Variants in CACNA1C observed in about 807,000 individuals in gnomAD.
CACNA1C encodes the protein calcium voltage-gated channel subunit alpha1 C.
A neutral mutation model predicts 229.0 loss-of-function variants in CACNA1C; 30 were observed. The ratio of observed to expected loss-of-function variants is 0.13; its 90% CI spans 0.10 to 0.18. The LOEUF (loss-of-function observed/expected upper bound fraction) is 0.18, where lower values mean the gene tolerates loss of function less well. Among genes scored for constraint, CACNA1C ranks in the 10% least tolerant of loss-of-function variants. The pLI, the probability that CACNA1C is intolerant of heterozygous loss-of-function variation, is 1.00. For missense variants in CACNA1C, 1,658 were observed against 2,845.0 expected (o/e 0.58, Z 9.49); for synonymous variants, 1,114 against 1,132.5 (o/e 0.98, Z 0.33).
intron 3 of CACNA1C, among the ~76,000 whole-genome samples, chr12:2,129,913 A>G (rs1286485904): frequency 3.3e-5 from 5 of 152,224 alleles, no homozygotes; most frequent in African/African-American, 9.6e-5. Context: ...GCAAAGTTAG[A>G]GTAAATAGAT....
chr12:2,298,950 T>A (rs2094332927), intron 3 of CACNA1C, among the ~76,000 whole-genome samples: 1 of 152,214 alleles, frequency 6.6e-6, no homozygotes, highest in South Asian at 2.1e-4. Flanking sequence ...TTCATAGGTT[T>A]GAGTATGTGT....
chr12:2,601,988 G>A lies in CACNA1C; in HGVS notation c.2960+28G>A. 1 of 1,440,780 alleles carries A rather than the reference G, an allele frequency of 6.9e-7. No homozygotes were observed. Among genetic ancestry groups the A allele is most frequent in the Non-Finnish European group, 9.8e-7 (1 of 1,021,864 alleles). The allele number at this position is 1,440,780 out of a possible 1,614,324, so 89.2% of individuals were successfully genotyped here. A position where few individuals can be genotyped will look rare whatever the true frequency, so the allele number is the denominator to read the frequency against. On this transcript the variant is annotated intron_variant, in intron 22 of 46. Coordinates refer to ENST00000399655, the MANE Select transcript of CACNA1C (RefSeq NM_000719.7). The surrounding 1 kb of genome is among the most constrained non-coding windows in gnomAD (Gnocchi z 5.9). ...GAGTGGGAGCCCCTCAGCCCACGAT[G>A]GGCCATGCAGCTAGCAAGGGGTGCC...
At chr12:2,513,580 TG>T (rs1393804735) in intron 9 of CACNA1C, among the ~76,000 whole-genome samples, 1 of 152,210 alleles carries the variant, frequency 6.6e-6, no homozygotes. Flanking sequence ...TTCCCTTCCT[TG>T]GGGGTTCACG....
In CACNA1C at chr12:2,486,081, A is replaced by C; in HGVS notation, c.758-23A>C. ...ACGGTACCGCGGTGATGCTTGGTTC[A>C]GTGAGTGGCTCTGTCCCCGCAGGTC... On this transcript the variant is annotated intron_variant, in intron 5 of 46. Transcript: ENST00000399655. This position sits in a 1 kb window ranked among gnomAD's most constrained non-coding sequence, Gnocchi z 4.9. 1 of 1,574,554 alleles carries C rather than the reference A, an allele frequency of 6.4e-7. No homozygotes were observed. Among genetic ancestry groups the C allele is most frequent in the Non-Finnish European group, 8.6e-7 (1 of 1,157,900 alleles).
chr12:2,409,065 T>A (rs1370340997), intron 3 of CACNA1C, among the ~76,000 whole-genome samples: 1 of 152,254 alleles, frequency 6.6e-6, no homozygotes, highest in Non-Finnish European at 1.5e-5. Flanking sequence ...CTTCTTGTCC[T>A]GTTAGTGTCT....
At chr12:2,200,522 T>A (rs770828270) in intron 3 of CACNA1C, among the ~76,000 whole-genome samples, 4 of 152,140 alleles carry the variant, frequency 2.6e-5, no homozygotes, top group Non-Finnish European at 4.4e-5. Flanking sequence ...TGGCACAAAA[T>A]GTCAATAGTG....
chr12:2,478,266 C>T (rs1483001130), intron 5 of CACNA1C, among the ~76,000 whole-genome samples: 1 of 152,124 alleles, frequency 6.6e-6, no homozygotes, highest in East Asian at 1.9e-4. Context: ...CTGAGGATAA[C>T]CCCCATGCAG....
intron 3 of CACNA1C, among the ~76,000 whole-genome samples, chr12:2,326,603 C>T (rs111287823): frequency 1.3e-5 from 2 of 152,200 alleles, no homozygotes; most frequent in Admixed American, 6.5e-5. Flanking sequence ...AGGCTTGACC[C>T]CTGCCTCCTA....
At chr12:2,328,433 C>T (rs1292137743) in intron 3 of CACNA1C, among the ~76,000 whole-genome samples, 1 of 152,226 alleles carries the variant, frequency 6.6e-6, no homozygotes, top group Non-Finnish European at 1.5e-5. Flanking sequence ...TGACTTAGTA[C>T]TGACCCCAGA....
intron 1 of CACNA1C, among the ~76,000 whole-genome samples, chr12:1,986,442 A>G (rs1382782272): frequency 1.3e-5 from 2 of 152,184 alleles, no homozygotes; most frequent in Non-Finnish European, 2.9e-5. Context: ...AAAAGAAAAT[A>G]AAAATAAAAA....
At chr12:2,582,150 A>G (rs2060740599) in intron 14 of CACNA1C, among the ~76,000 whole-genome samples, 1 of 152,088 alleles carries the variant, frequency 6.6e-6, no homozygotes, top group African/African-American at 2.4e-5. Flanking sequence ...ATAAAAAAAA[A>G]AAAAATCGTT....
intron 5 of CACNA1C, among the ~76,000 whole-genome samples, chr12:2,460,906 CAG>C (rs1024010421): frequency 3.2e-4 from 49 of 152,188 alleles, no homozygotes; most frequent in African/African-American, 1.2e-3. Context: ...GCTTTTGAAA[CAG>C]GGAACCATGC....
chr12:2,530,809 C>T (rs567290616), intron 9 of CACNA1C, among the ~76,000 whole-genome samples: 4 of 152,214 alleles, frequency 2.6e-5, no homozygotes, highest in African/African-American at 4.8e-5. Flanking sequence ...TACTGCATGA[C>T]GAGAATGACA....
At chr12:2,620,059 A>C (rs2082481245) in intron 29 of CACNA1C, among the ~76,000 whole-genome samples, 1 of 152,158 alleles carries the variant, frequency 6.6e-6, no homozygotes, top group Non-Finnish European at 1.5e-5. Flanking sequence ...GAAGCAAACA[A>C]CATATATTGT....
chr12:2,513,293 C>T (rs1366616357), intron 9 of CACNA1C, among the ~76,000 whole-genome samples: 2 of 152,234 alleles, frequency 1.3e-5, no homozygotes, highest in Non-Finnish European at 2.9e-5. Context: ...GGTTCCACCT[C>T]TTTGGGCAGG....
chr12:2,172,693 G>A (rs1179716812), intron 3 of CACNA1C, among the ~76,000 whole-genome samples: 1 of 152,236 alleles, frequency 6.6e-6, no homozygotes, highest in East Asian at 1.9e-4. Flanking sequence ...CAATAAGCCA[G>A]AATAGTGATA....
rs150395621 is a variant in CACNA1C, at chr12:2,606,109, G to A, written c.3156+323G>A. Among the ~76,000 whole-genome samples, 63 of 152,190 alleles carry A rather than the reference G, an allele frequency of 4.1e-4. No homozygotes were observed. The East Asian group carries it at 6.2e-3, about 15-fold the overall frequency. On this transcript the variant is annotated intron_variant, in intron 24 of 46. Coordinates refer to ENST00000399655, the MANE Select transcript of CACNA1C (RefSeq NM_000719.7). ...CAGTCAGTTGCTTAAAGCCTGCAGC[G>A]GTGACCTATTATCAACAGCATCACG...
chr12:2,691,040 C>A lies in CACNA1C; in HGVS notation c.6258C>A (p.Ala2086=). 1.2e-6 allele frequency: 2 copies of A among 1,603,974 alleles called. No individual in the cohort carries two copies. The highest frequency in any genetic ancestry group is 1.1e-5 in the South Asian group (1 of 89,318). The change falls in exon 47 of 47, where the codon GCC becomes GCA. Residue 2086 remains alanine, a synonymous_variant. Coordinates refer to ENST00000399655, the MANE Select transcript of CACNA1C (RefSeq NM_000719.7). Reference sequence around the variant, plus strand: ...CCGACAACATCCTCAGCGGGGGCGCCCCACAGAGCCCCAATGGCGCCCTCT... The same window carrying A: ...CCGACAACATCCTCAGCGGGGGCGCACCACAGAGCCCCAATGGCGCCCTCT... ...SAADNILSGG[A]PQSPNGALLP...
At chr12:2,420,079 G>A (rs1248331597) in intron 3 of CACNA1C, among the ~76,000 whole-genome samples, 1 of 149,832 alleles carries the variant, frequency 6.7e-6, no homozygotes, top group Non-Finnish European at 1.5e-5. Flanking sequence ...CAGCCAGACA[G>A]GGTAATCAGA....
Sources: gnomAD v4.1 joint callset for allele counts (sites outside exome capture counted in the v4.1 genomes callset) on GRCh38, gnomAD v4.1.1 for gene constraint, Gnocchi (gnomAD v3.1) non-coding constraint, MANE v1.5 for transcripts, NCBI Gene and HGNC (gene_info 2026-07-23, HGNC 2026-07-21) for gene names.